Variants in NUP188 observed in about 807,000 individuals in gnomAD.
The protein encoded by NUP188 is nucleoporin NUP188.
In NUP188, 97 loss-of-function variants were observed where a neutral mutation model predicts 223.0. The observed-to-expected ratio is 0.43, with a 90% CI of 0.37 to 0.51. The LOEUF is 0.51. NUP188 is among the 20% of genes least tolerant of loss of function. The pLI, the probability that NUP188 is intolerant of heterozygous loss-of-function variation, is 0.00. For missense variants in NUP188, 1,947 were observed against 2,175.6 expected (o/e 0.89, Z 2.09); for synonymous variants, 869 against 828.0 (o/e 1.05, Z -0.85).
chr9:128,983,441 T>C (rs1455202587), intron 18 of NUP188, 33 bp from the exon 19 acceptor site: 3 of 1,612,388 alleles, frequency 1.9e-6, no homozygotes, highest in African/African-American at 1.3e-5. Flanking sequence ...CCTGAAGATA[T>C]GTGGGCATTT....
intron 25 of NUP188, 58 bp downstream of exon 25, chr9:128,990,284 A>G (rs1049125585): frequency 1.5e-6 from 2 of 1,362,776 alleles, no homozygotes; most frequent in Non-Finnish European, 2.1e-6. Flanking sequence ...TTTCCCCCTG[A>G]TTACAAAAGA....
intron 9 of NUP188, among the ~76,000 whole-genome samples, 160 bp from the exon 10 acceptor site, chr9:128,969,240 C>A (rs370729530): frequency 6.6e-6 from 1 of 152,160 alleles, no homozygotes; most frequent in South Asian, 2.1e-4. Flanking sequence ...CTCAAGTGAT[C>A]CTCCCACCTC....
intron 12 of NUP188, among the ~76,000 whole-genome samples, chr9:128,978,925 G>C (rs1383876529): frequency 6.6e-6 from 1 of 152,140 alleles, no homozygotes; most frequent in Non-Finnish European, 1.5e-5. Flanking sequence ...TGGCCAGGCT[G>C]GTCTCGAACT....
At chr9:128,974,243 A>C (rs112782332) in intron 12 of NUP188, among the ~76,000 whole-genome samples, 2 of 151,842 alleles carry the variant, frequency 1.3e-5, no homozygotes, top group Non-Finnish European at 2.9e-5. Context: ...AGGTCTCAGT[A>C]TATTGCCCAG....
chr9:129,000,231 A>ACAGGTG (rs1564567011), intron 34 of NUP188, among the ~76,000 whole-genome samples: 2 of 151,902 alleles, frequency 1.3e-5, no homozygotes, highest in South Asian at 2.1e-4. Context: ...TGTTGGGATT[A>ACAGGTG]CAGGCGTGCC....
chr9:128,986,729 G>A lies in NUP188; in HGVS notation c.2197+51G>A, dbSNP rs375573863. Reference sequence around the variant, plus strand: ...CCTGGGGATTTCTGGCCCCACTGGAGAGCTTTTTTCTTTCCCTTTCTTGAG... The same window carrying A: ...CCTGGGGATTTCTGGCCCCACTGGAAAGCTTTTTTCTTTCCCTTTCTTGAG... On this transcript the variant is annotated intron_variant, in intron 21 of 43. Transcript: ENST00000372577. 5.6e-6 allele frequency: 9 copies of A among 1,613,788 alleles called. No homozygotes were observed. The African/African-American group carries it at 1.1e-4, about 19-fold the overall frequency.
intron 24 of NUP188, among the ~76,000 whole-genome samples, chr9:128,989,797 A>G (rs1184918549): frequency 1.3e-5 from 2 of 152,320 alleles, no homozygotes; most frequent in South Asian, 2.1e-4. Flanking sequence ...GTGCCACTGC[A>G]CTTCAGCCTG....
chr9:129,001,824 C>T, intron 35 of NUP188, 60 bp from the exon 36 acceptor site: 1 of 1,596,892 alleles, frequency 6.3e-7, no homozygotes, highest in Non-Finnish European at 8.6e-7. Context: ...GAGAGCCCTA[C>T]CTACCCTAGG....
chr9:128,999,723 C>T lies in NUP188; in HGVS notation c.3761C>T (p.Ala1254Val). The change falls in exon 34 of 44, where the codon GCA (alanine) becomes GTA (valine). Residue 1254 changes from alanine (A) to valine (V), a missense_variant. Coordinates refer to ENST00000372577, the MANE Select transcript of NUP188 (RefSeq NM_015354.3). Reference protein sequence around the residue: ...ALFDQTRHSLALGSATEDKDS... With the variant: ...ALFDQTRHSLVLGSATEDKDS... ...TTCGACCAGACCCGCCACAGTCTGG[C>T]ATTAGGCAGTGCCACAGAGGACAAG... The T allele has an allele frequency of 6.2e-7, 1 of 1,614,182 alleles. No homozygotes were observed. Among genetic ancestry groups the T allele is most frequent in the South Asian group, 1.1e-5 (1 of 91,082 alleles).
chr9:128,981,708 G>A (rs1180803623), intron 15 of NUP188, among the ~76,000 whole-genome samples: 1 of 152,162 alleles, frequency 6.6e-6, no homozygotes, highest in African/African-American at 2.4e-5. Context: ...ACAGTCCTAT[G>A]AGGTACTGTT....
At chr9:128,992,751 C>T (rs532268517) in intron 25 of NUP188, among the ~76,000 whole-genome samples, 2 of 152,166 alleles carry the variant, frequency 1.3e-5, no homozygotes, top group East Asian at 1.9e-4. Flanking sequence ...ATCCCTACCA[C>T]CCTGTAAACA....
In NUP188 at chr9:128,984,272, A is replaced by G. The variant is rs1036217559; in HGVS notation, c.1962-628A>G. Among the ~76,000 whole-genome samples the G allele has an allele frequency of 1.3e-5, 2 of 151,650 alleles. 1 individual carries two copies. The highest frequency in any genetic ancestry group is 4.2e-4 in the South Asian group (2 of 4,794). On this transcript the variant is annotated intron_variant, in intron 19 of 43. Transcript: ENST00000372577. ...CTCCCAAGTAGCTGGGATTACAGGC[A>G]TTCACCACCACGCCCCGGTAATTTT... is the stretch of plus-strand genomic sequence containing the variant.
chr9:128,983,956 G>T (rs914038736), intron 19 of NUP188, among the ~76,000 whole-genome samples: 1 of 152,064 alleles, frequency 6.6e-6, no homozygotes, highest in African/African-American at 2.4e-5. Context: ...CGGTAGCCAG[G>T]ATTACAGATG....
At chr9:128,953,001 G>GTTT in intron 3 of NUP188, 155 bp downstream of exon 3, 1 of 587,054 alleles carries the variant, frequency 1.7e-6, no homozygotes, top group Non-Finnish European at 3.0e-6. Context: ...GGGTACATTT[G>GTTT]TTTTTTTGTT....
chr9:128,973,591 C>T (rs950028930), intron 12 of NUP188, among the ~76,000 whole-genome samples: 1 of 152,134 alleles, frequency 6.6e-6, no homozygotes, highest in Non-Finnish European at 1.5e-5. Flanking sequence ...CCATGTCGAC[C>T]AGGCTGGTCT....
At chr9:128,962,679 A>G (rs1841972697) in intron 8 of NUP188, among the ~76,000 whole-genome samples, 1 of 152,016 alleles carries the variant, frequency 6.6e-6, no homozygotes, top group South Asian at 2.1e-4. Context: ...TCATATGCAA[A>G]ATAAGAATAG....
At chr9:128,963,187 C>G (rs1841979129) in intron 8 of NUP188, among the ~76,000 whole-genome samples, 1 of 151,736 alleles carries the variant, frequency 6.6e-6, no homozygotes, top group Non-Finnish European at 1.5e-5. Flanking sequence ...GAATAATGTG[C>G]TATGAACATT....
Position 129,006,120 on chromosome 9 carries a change from T to TAA in NUP188, c.4942_4943dup (p.Leu1650ProfsTer3). On this transcript the variant is annotated frameshift_variant, in exon 42 of 44. Transcript: ENST00000372577. LOFTEE classifies it high-confidence loss of function. ...ACACAGGCAGAAGGGACCAGGACGT[T>TAA]AAAGTAAGTGCTCTTTCTGGGATTT... is the stretch of plus-strand genomic sequence containing the variant. The TAA allele has an allele frequency of 6.2e-7, 1 of 1,614,140 alleles. No homozygotes were observed. The highest frequency in any genetic ancestry group is 8.5e-7 in the Non-Finnish European group (1 of 1,180,022).
At chr9:128,979,413 T>G in intron 13 of NUP188, 86 bp downstream of exon 13, 1 of 930,174 alleles carries the variant, frequency 1.1e-6, no homozygotes, top group Non-Finnish European at 1.7e-6. Context: ...AGCATTCATG[T>G]GCATTTTCTC....
Sources: gnomAD v4.1 joint callset for allele counts (sites outside exome capture counted in the v4.1 genomes callset) on GRCh38, gnomAD v4.1.1 for gene constraint, MANE v1.5 for transcripts, NCBI Gene and HGNC (gene_info 2026-07-23, HGNC 2026-07-21) for gene names.